The following BABAM2 variants were observed in gnomAD, a reference collection of about 807,000 sequenced individuals.
BABAM2 encodes the protein BRISC and BRCA1 A complex member 2.
Under a neutral mutation model 54.7 loss-of-function variants are expected in BABAM2, and 31 were observed. The ratio of observed to expected loss-of-function variants is 0.57; its 90% CI spans 0.43 to 0.77. BABAM2 has a LOEUF of 0.77. BABAM2 is among the 30% of genes least tolerant of loss of function. The pLI, the probability that BABAM2 is intolerant of heterozygous loss-of-function variation, is 0.00. For missense variants in BABAM2, 364 were observed against 455.8 expected (o/e 0.80, Z 1.83); for synonymous variants, 167 against 162.9 (o/e 1.03, Z -0.19).
intron 11 of BABAM2, chr2:28,327,146 A>G: frequency 1.0e-6 from 1 of 962,330 alleles, no homozygotes; most frequent in East Asian, 2.5e-5. Context: ...ATCTGTGATG[A>G]ACGCCAGAGA....
At chr2:27,999,709 T>G (rs979522730) in intron 4 of BABAM2, among the ~76,000 whole-genome samples, 1 of 152,260 alleles carries the variant, frequency 6.6e-6, no homozygotes, top group African/African-American at 2.4e-5. Flanking sequence ...AAATTTTTAA[T>G]GCCTTTTTAG....
chr2:28,318,531 T>C (rs1689759881), intron 11 of BABAM2, among the ~76,000 whole-genome samples: 1 of 152,224 alleles, frequency 6.6e-6, no homozygotes, highest in Non-Finnish European at 1.5e-5. Context: ...ACTCTTGAAC[T>C]TGAGGCAATT....
At chr2:28,200,785 T>C (rs2075450615) in intron 7 of BABAM2, among the ~76,000 whole-genome samples, 2 of 144,946 alleles carry the variant, frequency 1.4e-5, no homozygotes, top group African/African-American at 5.0e-5. Context: ...TTTGTTTGTT[T>C]TGAGACAGAG....
chr2:28,176,754 T>G (rs1675033265), intron 7 of BABAM2, among the ~76,000 whole-genome samples: 2 of 149,400 alleles, frequency 1.3e-5, no homozygotes, highest in South Asian at 2.1e-4. Context: ...AATAAAATAT[T>G]TATTCATGAG....
chr2:28,128,896 A>G (rs1669800091), intron 6 of BABAM2, among the ~76,000 whole-genome samples: 1 of 152,070 alleles, frequency 6.6e-6, no homozygotes, highest in South Asian at 2.1e-4. Context: ...AAATTACTGG[A>G]TATTTTAATG....
chr2:27,895,992 C>T (rs1665281129), intron 2 of BABAM2: 1 of 152,022 alleles, frequency 6.6e-6, no homozygotes, highest in African/African-American at 2.4e-5. Flanking sequence ...TATCAAGTGG[C>T]TTTTGGGTCC....
chr2:28,270,948 T>G (rs1045161450), intron 10 of BABAM2, among the ~76,000 whole-genome samples: 1 of 152,230 alleles, frequency 6.6e-6, no homozygotes, highest in Non-Finnish European at 1.5e-5. Flanking sequence ...TATACTGATA[T>G]GATCTTGCCC....
At chr2:27,960,957 T>A (rs1670423844) in intron 3 of BABAM2, among the ~76,000 whole-genome samples, 1 of 152,210 alleles carries the variant, frequency 6.6e-6, no homozygotes, top group Non-Finnish European at 1.5e-5. Flanking sequence ...AAACACACTA[T>A]CAGATGCTAA....
rs1336571433 is a variant in BABAM2 at position 28,160,726 on chromosome 2, A to C, written c.680+31346A>C. Among the ~76,000 whole-genome samples the C allele has an allele frequency of 2.0e-5, 3 of 146,696 alleles. No homozygotes were observed. The South Asian group carries it at 6.6e-4, about 32-fold the overall frequency. ...AAATTAAATGAACATAGAAAGGAAC[A>C]TATAAATTGTTTTTTTTTTTTTTTT... On this transcript the variant is annotated intron_variant, in intron 7 of 11. Transcript: ENST00000379624.
chr2:27,990,973 A>G (rs1270062892), intron 4 of BABAM2, among the ~76,000 whole-genome samples: 1 of 152,060 alleles, frequency 6.6e-6, no homozygotes, highest in Non-Finnish European at 1.5e-5. Context: ...CAGACTCTTC[A>G]TTTAGGGAGG....
intron 3 of BABAM2, among the ~76,000 whole-genome samples, chr2:27,930,578 A>C (rs1251587021): frequency 6.6e-6 from 1 of 152,218 alleles, no homozygotes; most frequent in Non-Finnish European, 1.5e-5. Flanking sequence ...TGTCAGTTTT[A>C]GATGTTGCTA....
intron 6 of BABAM2, among the ~76,000 whole-genome samples, chr2:28,095,958 G>A (rs947701213): frequency 6.6e-6 from 1 of 152,156 alleles, no homozygotes; most frequent in African/African-American, 2.4e-5. Flanking sequence ...TGAGAAATCT[G>A]AGGACCAGGG....
intron 10 of BABAM2, among the ~76,000 whole-genome samples, chr2:28,279,381 C>G (rs1325289759): frequency 1.3e-5 from 2 of 152,174 alleles, no homozygotes; most frequent in Admixed American, 6.5e-5. Context: ...GTTATCTCCA[C>G]TTTGATTATC....
intron 10 of BABAM2, among the ~76,000 whole-genome samples, chr2:28,270,654 A>G (rs1422209379): frequency 2.0e-5 from 3 of 152,202 alleles, no homozygotes; most frequent in Non-Finnish European, 4.4e-5. Flanking sequence ...TGGCATGACT[A>G]TTCCTTCAGT....
intron 3 of BABAM2, among the ~76,000 whole-genome samples, chr2:27,933,090 AG>A (rs1668216702): frequency 6.6e-6 from 1 of 152,198 alleles, no homozygotes; most frequent in Non-Finnish European, 1.5e-5. Context: ...GCATCTTTCT[AG>A]TAGCATGGGT....
chr2:28,183,512 T>C (rs1254215418), intron 7 of BABAM2, among the ~76,000 whole-genome samples: 3 of 152,144 alleles, frequency 2.0e-5, no homozygotes, highest in Non-Finnish European at 4.4e-5. Context: ...AGGCCTGAAG[T>C]AAGCGAGCAA....
chr2:28,024,063 T>A (rs1422224741), intron 4 of BABAM2, among the ~76,000 whole-genome samples: 1 of 152,180 alleles, frequency 6.6e-6, no homozygotes, highest in African/African-American at 2.4e-5. Context: ...GTTATTTTAT[T>A]CTCTGTTGTC....
intron 6 of BABAM2, among the ~76,000 whole-genome samples, chr2:28,084,268 C>T (rs139440230): frequency 7.5e-4 from 114 of 152,080 alleles, no homozygotes; most frequent in Admixed American, 2.0e-3. Flanking sequence ...CTGAAGAGTG[C>T]GTTAAGAGAG....
intron 4 of BABAM2, among the ~76,000 whole-genome samples, chr2:28,019,952 G>C (rs777807068): frequency 9.9e-5 from 15 of 151,948 alleles, no homozygotes; most frequent in Non-Finnish European, 1.8e-4. Context: ...TGTTCTTTTT[G>C]CTTAGTAAGA....
Sources: gnomAD v4.1 joint callset for allele counts (sites outside exome capture counted in the v4.1 genomes callset) on GRCh38, gnomAD v4.1.1 for gene constraint, MANE v1.5 for transcripts, NCBI Gene and HGNC (gene_info 2026-07-23, HGNC 2026-07-21) for gene names.